LTBP1: variants seen among roughly 807,000 people sequenced by gnomAD.
LTBP1 encodes the protein latent-transforming growth factor beta-binding protein 1.
A neutral mutation model predicts 207.6 loss-of-function variants in LTBP1; 129 were observed. That is an observed-to-expected ratio of 0.62 (90% CI 0.54 to 0.72). The LOEUF is 0.72. Among genes scored for constraint, LTBP1 ranks in the 30% least tolerant of loss-of-function variants. LTBP1 has a pLI of 0.00. For missense variants in LTBP1, 2,281 were observed against 2,217.2 expected (o/e 1.03, Z -0.58); for synonymous variants, 963 against 833.7 (o/e 1.16, Z -2.67).
intron 5 of LTBP1, among the ~76,000 whole-genome samples, chr2:33,172,697 A>C (rs887792418): frequency 6.6e-6 from 1 of 152,256 alleles, no homozygotes; most frequent in Non-Finnish European, 1.5e-5. Context: ...TCAACAGAGT[A>C]TACATCTTTT....
intron 2 of LTBP1, among the ~76,000 whole-genome samples, chr2:32,985,776 G>A (rs1175100863): frequency 1.3e-5 from 2 of 152,176 alleles, no homozygotes; most frequent in East Asian, 3.8e-4. Flanking sequence ...AGTGATGGAT[G>A]GGGCCCTGTG....
chr2:32,948,286 A>T (rs1157658308), intron 1 of LTBP1, among the ~76,000 whole-genome samples: 1 of 152,214 alleles, frequency 6.6e-6, no homozygotes, highest in Non-Finnish European at 1.5e-5. Flanking sequence ...CATCAGAGAA[A>T]TCATGGGCTT....
Position 33,337,016 on chromosome 2 carries a change from G to A in LTBP1, c.3731-5822G>A, listed in dbSNP as rs556556007. 4.1e-4 allele frequency among the ~76,000 whole-genome samples: 63 copies of A among 152,188 alleles called. 1 individual carries two copies. The highest frequency in any genetic ancestry group is 1.5e-3 in the African/African-American group (61 of 41,538). On this transcript the variant is annotated intron_variant, in intron 24 of 33. Transcript: ENST00000404816. Reference sequence around the variant, plus strand: ...TGTGTTGAGTTCTTAAAATTAAAACGATTTTAATTTTTTGGTTCTTAAACA... The same window carrying A: ...TGTGTTGAGTTCTTAAAATTAAAACAATTTTAATTTTTTGGTTCTTAAACA...
chr2:33,329,620 T>G (rs529308341), intron 24 of LTBP1, among the ~76,000 whole-genome samples: 87 of 152,224 alleles, frequency 5.7e-4, no homozygotes, highest in African/African-American at 2.0e-3. Flanking sequence ...GACATCAAAT[T>G]AGGTCATCAC....
chr2:33,281,244 G>C (rs2093554382), intron 19 of LTBP1, among the ~76,000 whole-genome samples: 1 of 152,114 alleles, frequency 6.6e-6, no homozygotes, highest in South Asian at 2.1e-4. Flanking sequence ...ACAGATTTGA[G>C]ACAAGCACTA....
intron 2 of LTBP1, among the ~76,000 whole-genome samples, chr2:32,974,571 T>G (rs1278672498): frequency 1.3e-5 from 2 of 152,236 alleles, no homozygotes; most frequent in Admixed American, 6.5e-5. Context: ...GTGGAAGCTT[T>G]TTAACTTGAT....
intron 11 of LTBP1, among the ~76,000 whole-genome samples, chr2:33,255,067 T>G (rs1573454597): frequency 1.8e-5 from 1 of 56,110 alleles, no homozygotes; most frequent in Non-Finnish European, 3.4e-5. Context: ...CCCAGTGCTA[T>G]CCCTCCCCCC....
At chr2:33,283,093 GAATAA>G (rs1440217063) in intron 19 of LTBP1, among the ~76,000 whole-genome samples, 2 of 148,672 alleles carry the variant, frequency 1.3e-5, no homozygotes, top group African/African-American at 4.9e-5. Flanking sequence ...AAGAGAGAGT[GAATAA>G]AATAAAGTTT....
intron 5 of LTBP1, among the ~76,000 whole-genome samples, chr2:33,178,855 G>A (rs2086332996): frequency 6.6e-6 from 1 of 152,118 alleles, no homozygotes; most frequent in Admixed American, 6.5e-5. Flanking sequence ...CAACATTTTT[G>A]TAGGTATTAA....
At chr2:32,978,294 G>C (rs1682145280) in intron 2 of LTBP1, among the ~76,000 whole-genome samples, 1 of 152,074 alleles carries the variant, frequency 6.6e-6, no homozygotes. Context: ...TCTTGTTCCA[G>C]ATCTTTTCCC....
Position 33,000,708 on chromosome 2 carries a change from T to G in LTBP1, c.566-20201T>G, listed in dbSNP as rs1192866417. Among the ~76,000 whole-genome samples, 2 of 134,110 alleles carry G rather than the reference T, an allele frequency of 1.5e-5. 1 individual carries two copies. Among genetic ancestry groups the G allele is most frequent in the Non-Finnish European group, 3.3e-5 (2 of 61,074 alleles). 88.0% of individuals were successfully genotyped at this position (134,110 alleles called of 152,430 possible). A position where few individuals can be genotyped will look rare whatever the true frequency, so the allele number is the denominator to read the frequency against. On this transcript the variant is annotated intron_variant, in intron 2 of 33. Coordinates refer to ENST00000404816, the MANE Select transcript of LTBP1 (RefSeq NM_206943.4). ...CCAGATCTCTTCTTGCCATTTCTGT[T>G]GAGGTTAATAGGGGTTCAGTATAAT...
Position 33,397,207 on chromosome 2 carries a change from G to A in LTBP1, c.4909G>A (p.Val1637Met), listed in dbSNP as rs2095366582. ...ILNGCENGRC[V>M]RVQEGYTCDC... ...CAATGGATGTGAAAATGGTCGCTGT[G>A]TGAGGGTCCAGGAAGGTTACACCTG... The change falls in exon 33 of 34, where the codon GTG becomes ATG. Residue 1637 changes from valine to methionine, a missense_variant. Around this residue, in one of 3 missense-constraint regions of LTBP1, gnomAD observed 1,671 missense variants for 1,634.8 expected, o/e 1.02. Transcript: ENST00000404816. 6.2e-7 allele frequency: 1 copy of A among 1,614,190 alleles called. No homozygotes were observed. The highest frequency in any genetic ancestry group is 8.5e-7 in the Non-Finnish European group (1 of 1,180,020).
intron 11 of LTBP1, 134 bp from the exon 12 acceptor site, chr2:33,257,150 C>T: frequency 3.0e-6 from 2 of 655,816 alleles, no homozygotes; most frequent in Non-Finnish European, 5.1e-6. Context: ...TTACATTTTG[C>T]ACCTGTTTTT....
chr2:33,104,034 T>A (rs2079911827), intron 3 of LTBP1, among the ~76,000 whole-genome samples: 1 of 151,984 alleles, frequency 6.6e-6, no homozygotes, highest in Non-Finnish European at 1.5e-5. Context: ...CTATTGGGGG[T>A]TCCTTTCTGT....
intron 9 of LTBP1, among the ~76,000 whole-genome samples, chr2:33,230,293 G>A (rs1213554010): frequency 6.6e-6 from 1 of 152,116 alleles, no homozygotes; most frequent in Non-Finnish European, 1.5e-5. Flanking sequence ...TTACTAATGT[G>A]CACTCAGTAA....
rs61751740 is a variant in LTBP1 at position 33,293,177 on chromosome 2, G to A, written c.3130G>A (p.Glu1044Lys). The A allele has an allele frequency of 9.3e-4, 1,502 of 1,613,546 alleles. 1 individual carries two copies. Among genetic ancestry groups the A allele is most frequent in the Non-Finnish European group, 1.2e-3 (1,464 of 1,179,860 alleles). ...TCTTCAAGATGTGGACGAGTGCCTG[G>A]AACCAAACGTCTGCGCAAATGGTGA... Reference protein sequence around the residue: ...GQCLDVDECLEPNVCANGDCS... With the variant: ...GQCLDVDECLKPNVCANGDCS... Residue 1044 changes from glutamate (E) to lysine (K), a missense_variant, in exon 20 of 34, where the codon GAA (glutamate) becomes AAA (lysine). This residue lies in a region of LTBP1 where 1,671 missense variants were observed against 1,634.8 expected (regional missense o/e 1.02). Transcript: ENST00000404816.
At chr2:33,347,326 A>G (rs373593940) in intron 25 of LTBP1, 41 bp from the exon 26 acceptor site, 26 of 1,612,744 alleles carry the variant, frequency 1.6e-5, no homozygotes, top group South Asian at 1.5e-4. Flanking sequence ...GCTGTCGTGA[A>G]TGAGGCACAC....
At chr2:32,971,267 A>G (rs1680840354) in intron 2 of LTBP1, among the ~76,000 whole-genome samples, 1 of 152,086 alleles carries the variant, frequency 6.6e-6, no homozygotes, top group African/African-American at 2.4e-5. Flanking sequence ...CCCTCTTCCA[A>G]TGGAATGCCT....
intron 24 of LTBP1, among the ~76,000 whole-genome samples, chr2:33,332,396 A>G (rs2094505268): frequency 7.4e-6 from 1 of 135,796 alleles, no homozygotes. Context: ...AAAAAAAAAA[A>G]AAGAGAGAGA....
Sources: gnomAD v4.1 joint callset for allele counts (sites outside exome capture counted in the v4.1 genomes callset) on GRCh38, gnomAD v4.1.1 for gene constraint, gnomAD v4.1.1 regional missense constraint, MANE v1.5 for transcripts, NCBI Gene and HGNC (gene_info 2026-07-23, HGNC 2026-07-21) for gene names.